The following CLASP2 variants were observed in gnomAD, a reference collection of about 807,000 sequenced individuals.
The protein encoded by CLASP2 is cytoplasmic linker associated protein 2.
In CLASP2, 47 loss-of-function variants were observed where a neutral mutation model predicts 194.4. The observed-to-expected ratio is 0.24, with a 90% CI of 0.19 to 0.31. CLASP2 has a LOEUF of 0.31. Among genes scored for constraint, CLASP2 ranks in the 10% least tolerant of loss-of-function variants. The pLI, the probability that CLASP2 is intolerant of heterozygous loss-of-function variation, is 1.00. For missense variants in CLASP2, 1,445 were observed against 1,823.6 expected (o/e 0.79, Z 3.78); for synonymous variants, 619 against 633.5 (o/e 0.98, Z 0.34).
chr3:33,510,973 A>G (rs190337133), intron 36 of CLASP2, among the ~76,000 whole-genome samples: 2 of 151,820 alleles, frequency 1.3e-5, no homozygotes, highest in Admixed American at 1.3e-4. Context: ...TGATGGATAC[A>G]TGGGCTTTAT....
intron 4 of CLASP2, 54 bp downstream of exon 4, chr3:33,688,223 T>A (rs2090936938): frequency 1.4e-6 from 2 of 1,398,478 alleles, no homozygotes; most frequent in Non-Finnish European, 1.9e-6. Flanking sequence ...AACTGAGGTT[T>A]TTTTTAGAGA....
chr3:33,679,742 C>T lies in CLASP2; in HGVS notation c.644+4617G>A, dbSNP rs1019270093. Among the ~76,000 whole-genome samples, 17 of 152,082 alleles carry T rather than the reference C, an allele frequency of 1.1e-4. 1 individual carries two copies. The highest frequency in any genetic ancestry group is 2.1e-4 in the South Asian group (1 of 4,826). ...AAACACTGACAAGATCAAATCCTGG[C>T]GAGAATGTGAAGCAATAGGAACTCT... On this transcript the variant is annotated intron_variant, in intron 6 of 38. Coordinates refer to ENST00000682230, the MANE Select transcript of CLASP2 (RefSeq NM_001365631.1).
rs201724337 is a variant in CLASP2, at chr3:33,608,648, A to G, written c.1389-22T>C. ...ACGTCTGAAAAATAAAAGTTGAATG[A>G]TAACTAAATGTTGTATTGAGAAATA... On this transcript the variant is annotated intron_variant, in intron 13 of 38. Transcript: ENST00000682230. 1.4e-5 allele frequency: 21 copies of G among 1,534,880 alleles called. No homozygotes were observed. The South Asian group carries it at 2.2e-4, about 16-fold the overall frequency.
At chr3:33,554,303 A>G (rs2060548500) in intron 29 of CLASP2, among the ~76,000 whole-genome samples, 1 of 152,082 alleles carries the variant, frequency 6.6e-6, no homozygotes, top group Admixed American at 6.6e-5. Context: ...TGGTATATAT[A>G]CACAATGGAA....
intron 34 of CLASP2, among the ~76,000 whole-genome samples, chr3:33,532,335 A>T (rs1327042697): frequency 6.6e-6 from 1 of 152,192 alleles, no homozygotes; most frequent in East Asian, 1.9e-4. Context: ...AATCAGAGAG[A>T]CAAGAGAATG....
At chr3:33,666,660 C>T (rs1206477954) in intron 6 of CLASP2, among the ~76,000 whole-genome samples, 1 of 152,154 alleles carries the variant, frequency 6.6e-6, no homozygotes, top group Non-Finnish European at 1.5e-5. Flanking sequence ...ATAAATAATG[C>T]TGTTATGAAC....
intron 10 of CLASP2, among the ~76,000 whole-genome samples, chr3:33,623,618 T>C (rs1038505945): frequency 1.3e-5 from 2 of 152,202 alleles, no homozygotes; most frequent in Non-Finnish European, 2.9e-5. Context: ...ATCCTTTTTA[T>C]GGTGGAATAA....
Position 33,545,601 on chromosome 3 carries a change from T to C in CLASP2, c.3154-760A>G, listed in dbSNP as rs538610539. Among the ~76,000 whole-genome samples, 14 of 152,286 alleles carry C rather than the reference T, an allele frequency of 9.2e-5. No homozygotes were observed. The East Asian group carries it at 2.7e-3, about 29-fold the overall frequency. ...TGTAGAAATTGAGAAAGGTCTATTA[T>C]ACACTGCTGAAGAAAAACTATAAGA... On this transcript the variant is annotated intron_variant, in intron 30 of 38. Transcript: ENST00000682230.
chr3:33,705,616 G>C (rs951342275), intron 1 of CLASP2, among the ~76,000 whole-genome samples: 2 of 152,112 alleles, frequency 1.3e-5, no homozygotes, highest in Admixed American at 6.5e-5. Flanking sequence ...GAGCCAAGCA[G>C]TATCTCAAAT....
In CLASP2 at chr3:33,562,458, G is replaced by A. The variant is rs954606846; in HGVS notation, c.2767-1487C>T. Among the ~76,000 whole-genome samples, 77 of 152,318 alleles carry A rather than the reference G, an allele frequency of 5.1e-4. 1 individual carries two copies. The highest frequency in any genetic ancestry group is 1.8e-3 in the African/African-American group (75 of 41,590). On this transcript the variant is annotated intron_variant, in intron 27 of 38. Transcript: ENST00000682230. ...ATTCTTACTGTTACCTAGCAAATCT[G>A]TTCAGTCATGTGCTGGCATCAGTTT...
intron 2 of CLASP2, among the ~76,000 whole-genome samples, chr3:33,691,143 T>C (rs904516878): frequency 3.9e-5 from 6 of 152,104 alleles, no homozygotes; most frequent in African/African-American, 1.4e-4. Flanking sequence ...ATGGACTGGT[T>C]TGGACTATCG....
Position 33,627,161 on chromosome 3 carries a change from C to T in CLASP2, c.943-81G>A, listed in dbSNP as rs946418217. ...ATTATGCCCTGATGTTTAAAATAATCTTTCACCTATTAAGTTTATTTCCCA... is the reference window on the plus strand; with the variant it reads ...ATTATGCCCTGATGTTTAAAATAATTTTTCACCTATTAAGTTTATTTCCCA... On this transcript the variant is annotated intron_variant, in intron 9 of 38. Coordinates refer to ENST00000682230, the MANE Select transcript of CLASP2 (RefSeq NM_001365631.1). The T allele has an allele frequency of 1.7e-5, 13 of 783,450 alleles. No homozygotes were observed. The African/African-American group carries it at 2.3e-4, about 14-fold the overall frequency. The allele number at this position is 783,450 out of a possible 1,614,324, so 48.5% of individuals were successfully genotyped here. A position where few individuals can be genotyped will look rare whatever the true frequency, so the allele number is the denominator to read the frequency against.
Position 33,516,145 on chromosome 3 carries a change from T to C in CLASP2, c.3988A>G (p.Ile1330Val), listed in dbSNP as rs769544334. The change falls in exon 36 of 39, where the codon ATC becomes GTC. Residue 1330 changes from isoleucine to valine, a missense_variant. By Grantham distance (29) the Ile-to-Val change is conservative. This residue lies in a region of CLASP2 where 732 missense variants were observed against 987.9 expected (regional missense o/e 0.74). Transcript: ENST00000682230. The part of the protein sequence containing the change: ...LETLGDKEPT[I>V]RALALKVLRE... ...AAAACCTTTAATGCCAAAGCCCTGA[T>C]TGTAGGCTAAGAAGAAACATTTAAA... 15 of 1,602,568 alleles carry C rather than the reference T, an allele frequency of 9.4e-6. No homozygotes were observed. Among genetic ancestry groups the C allele is most frequent in the Admixed American group, 3.5e-5 (2 of 57,554 alleles).
intron 7 of CLASP2, among the ~76,000 whole-genome samples, chr3:33,647,224 CTATA>C (rs1170736396): frequency 1.3e-5 from 2 of 151,918 alleles, no homozygotes; most frequent in African/African-American, 4.8e-5. Flanking sequence ...TAGATTATAA[CTATA>C]TATAATTAGA....
chr3:33,661,304 T>A (rs1430372292), intron 7 of CLASP2, among the ~76,000 whole-genome samples: 1 of 152,194 alleles, frequency 6.6e-6, no homozygotes, highest in Non-Finnish European at 1.5e-5. Context: ...TTTCATTATC[T>A]TCTTCCTGTT....
At position 33,693,604 on chromosome 3, in the gene CLASP2, C is replaced by T. The variant is rs867292736; in HGVS notation, c.274+3251G>A. ...AAATTAGAAATGAAGTGAGGATAAT[C>T]TTTCATGTATGTAAAGTAGTAAAAG... On this transcript the variant is annotated intron_variant, in intron 2 of 38. Coordinates refer to ENST00000682230, the MANE Select transcript of CLASP2 (RefSeq NM_001365631.1). Among the ~76,000 whole-genome samples the T allele has an allele frequency of 1.8e-4, 27 of 152,248 alleles. 1 individual carries two copies. The highest frequency in any genetic ancestry group is 3.4e-3 in the Middle Eastern group (1 of 294).
intron 24 of CLASP2, among the ~76,000 whole-genome samples, chr3:33,575,564 TA>T (rs1560109208): frequency 7.2e-5 from 11 of 152,152 alleles, no homozygotes; most frequent in Non-Finnish European, 1.5e-5. Context: ...CATACATTTT[TA>T]AAAATGCTAC....
chr3:33,638,449 C>T (rs536903339), intron 8 of CLASP2, among the ~76,000 whole-genome samples: 113 of 152,228 alleles, frequency 7.4e-4, no homozygotes, highest in African/African-American at 2.6e-3. Context: ...GGACTACAGG[C>T]ACTCGCCACC....
intron 8 of CLASP2, among the ~76,000 whole-genome samples, chr3:33,638,287 T>G (rs910116332): frequency 2.0e-5 from 3 of 152,084 alleles, no homozygotes; most frequent in Non-Finnish European, 4.4e-5. Flanking sequence ...TGATTTTCAT[T>G]CTTTTTATTT....
Sources: gnomAD v4.1 joint callset for allele counts (sites outside exome capture counted in the v4.1 genomes callset) on GRCh38, gnomAD v4.1.1 for gene constraint, gnomAD v4.1.1 regional missense constraint, MANE v1.5 for transcripts, NCBI Gene and HGNC (gene_info 2026-07-23, HGNC 2026-07-21) for gene names.